RAPGEF2: variants seen among roughly 807,000 people sequenced by gnomAD.
RAPGEF2 encodes Rap guanine nucleotide exchange factor 2, also known as PDZ domain containing guanine nucleotide exchange factor (GEF) 1.
RAPGEF2 carries 54 observed loss-of-function variants against 186.7 expected under a neutral mutation model. The observed-to-expected ratio is 0.29, with a 90% CI of 0.23 to 0.36. The LOEUF is 0.36. Among genes scored for constraint, RAPGEF2 ranks in the 10% least tolerant of loss-of-function variants. RAPGEF2 has a pLI of 1.00. For synonymous variants in RAPGEF2, 712 were observed against 705.9 expected (o/e 1.01, Z -0.14); for missense variants, 1,532 against 2,045.0 (o/e 0.75, Z 4.84).
intron 1 of RAPGEF2, among the ~76,000 whole-genome samples, chr4:159,154,842 C>T (rs761133470): frequency 1.3e-5 from 2 of 151,966 alleles, no homozygotes; most frequent in Non-Finnish European, 2.9e-5. Flanking sequence ...TATATTAGGC[C>T]AAGTGGGCGA....
At chr4:159,349,046 T>C in intron 25 of RAPGEF2, among the ~76,000 whole-genome samples, 1 of 152,180 alleles carries the variant, frequency 6.6e-6, no homozygotes, top group Admixed American at 6.5e-5. Flanking sequence ...CCATCCAACA[T>C]GGTTTGAAAG....
intron 4 of RAPGEF2, among the ~76,000 whole-genome samples, chr4:159,219,588 C>G (rs1384925395): frequency 6.6e-6 from 1 of 152,104 alleles, no homozygotes; most frequent in Non-Finnish European, 1.5e-5. Flanking sequence ...ATCGCCTGAC[C>G]TCATGATCTG....
At chr4:159,117,419 G>T (rs1225995799) in intron 1 of RAPGEF2, among the ~76,000 whole-genome samples, 1 of 152,170 alleles carries the variant, frequency 6.6e-6, no homozygotes, top group Admixed American at 6.5e-5. Flanking sequence ...CGTCATCTGA[G>T]ACTTAAGTTG....
chr4:159,250,947 G>A (rs911116388), intron 7 of RAPGEF2, among the ~76,000 whole-genome samples: 6 of 152,204 alleles, frequency 3.9e-5, no homozygotes, highest in Non-Finnish European at 7.4e-5. Context: ...GGGAACCTGG[G>A]CTGTGCGCCA....
At chr4:159,225,816 A>T (rs1211632936) in intron 4 of RAPGEF2, among the ~76,000 whole-genome samples, 1 of 152,124 alleles carries the variant, frequency 6.6e-6, no homozygotes, top group African/African-American at 2.4e-5. Flanking sequence ...TGCCTGTTTT[A>T]AAAAATTGGA....
chr4:159,206,563 C>A (rs937286554), intron 3 of RAPGEF2, among the ~76,000 whole-genome samples: 8 of 152,174 alleles, frequency 5.3e-5, no homozygotes, highest in African/African-American at 1.9e-4. Context: ...CATCACTTTC[C>A]CATTTTTACA....
intron 1 of RAPGEF2, among the ~76,000 whole-genome samples, chr4:159,143,769 A>AT (rs1279392221): frequency 2.0e-5 from 3 of 152,272 alleles, no homozygotes; most frequent in Non-Finnish European, 4.4e-5. Context: ...TTGAGGAAAA[A>AT]TGTTTTCTCT....
At chr4:159,339,027 G>C (rs1307961571) in intron 18 of RAPGEF2, 87 bp from the exon 19 acceptor site, 5 of 1,470,856 alleles carry the variant, frequency 3.4e-6, no homozygotes, top group Non-Finnish European at 4.6e-6. Context: ...TTTTTCTTAA[G>C]GAGCTTTTTT....
chr4:159,148,894 CTTTG>C (rs757778466), intron 1 of RAPGEF2, among the ~76,000 whole-genome samples: 6 of 152,176 alleles, frequency 3.9e-5, no homozygotes, highest in Admixed American at 1.3e-4. Flanking sequence ...ATGTTAGTTA[CTTTG>C]TTTATTGGAA....
chr4:159,207,495 CT>C lies in RAPGEF2; in HGVS notation c.198-3004del, dbSNP rs377417762. Among the ~76,000 whole-genome samples the C allele has an allele frequency of 1.9e-4, 29 of 152,334 alleles. No homozygotes were observed. In the East Asian group the frequency reaches 5.6e-3, roughly 29 times the overall value. On this transcript the variant is annotated intron_variant, in intron 3 of 29. Coordinates refer to ENST00000691494, the MANE Select transcript of RAPGEF2 (RefSeq NM_001394067.2). Reference sequence around the variant, plus strand: ...GCCAGCTAATGTTTGTTATTTCTCTCTGTCACAGATAATCTAGATCATGGTG... The same window carrying C: ...GCCAGCTAATGTTTGTTATTTCTCTCGTCACAGATAATCTAGATCATGGTG...
chr4:159,294,586 G>A (rs1329318851), intron 7 of RAPGEF2, among the ~76,000 whole-genome samples: 1 of 152,114 alleles, frequency 6.6e-6, no homozygotes, highest in East Asian at 1.9e-4. Flanking sequence ...TTTGGAGCCT[G>A]TTACTGAGGG....
intron 1 of RAPGEF2, among the ~76,000 whole-genome samples, chr4:159,131,368 C>T (rs1485566910): frequency 6.6e-6 from 1 of 152,158 alleles, no homozygotes; most frequent in East Asian, 1.9e-4. Flanking sequence ...TCTTGGCCTC[C>T]CAAAGTGCTG....
At chr4:159,149,633 T>C (rs1561014017) in intron 1 of RAPGEF2, among the ~76,000 whole-genome samples, 1 of 152,210 alleles carries the variant, frequency 6.6e-6, no homozygotes, top group Non-Finnish European at 1.5e-5. Flanking sequence ...AATAAGAGAC[T>C]GTTCTTTTGT....
At chr4:159,210,671 T>C in intron 4 of RAPGEF2, 88 bp downstream of exon 4, 1 of 953,148 alleles carries the variant, frequency 1.0e-6, no homozygotes, top group Non-Finnish European at 1.6e-6. Context: ...TCTCTTCCTG[T>C]GTTCTCTTCT....
chr4:159,286,871 T>A (rs1475638525), intron 7 of RAPGEF2, among the ~76,000 whole-genome samples: 2 of 152,238 alleles, frequency 1.3e-5, no homozygotes, highest in African/African-American at 4.8e-5. Context: ...TTGTTGTTGT[T>A]CATGTTATTA....
intron 7 of RAPGEF2, among the ~76,000 whole-genome samples, chr4:159,299,446 AC>A (rs1405549942): frequency 2.7e-5 from 4 of 150,858 alleles, no homozygotes; most frequent in South Asian, 2.1e-4. Context: ...AAAAAAAAAG[AC>A]AGAGAGAATA....
intron 1 of RAPGEF2, among the ~76,000 whole-genome samples, chr4:159,173,935 T>C (rs1356549092): frequency 3.3e-5 from 5 of 152,222 alleles, no homozygotes; most frequent in Non-Finnish European, 7.3e-5. Context: ...TGAAGATATC[T>C]TTTGTTAAAT....
At chr4:159,279,543 G>A (rs1410652326) in intron 7 of RAPGEF2, among the ~76,000 whole-genome samples, 2 of 152,176 alleles carry the variant, frequency 1.3e-5, no homozygotes, top group Non-Finnish European at 2.9e-5. Flanking sequence ...AAAATGTAGA[G>A]TAACTTTACC....
chr4:159,141,727 T>C (rs1054775352), intron 1 of RAPGEF2, among the ~76,000 whole-genome samples: 2 of 152,214 alleles, frequency 1.3e-5, no homozygotes, highest in Non-Finnish European at 2.9e-5. Flanking sequence ...ACTTTACCAC[T>C]TTTGCCAATC....
Sources: allele counts gnomAD v4.1 joint callset (sites outside exome capture counted in the v4.1 genomes callset), GRCh38; gene constraint gnomAD v4.1.1; transcripts MANE v1.5; gene names NCBI Gene and HGNC (gene_info 2026-07-23, HGNC 2026-07-21).